EYS: variants seen among roughly 807,000 people sequenced by gnomAD.
The protein encoded by EYS is protein eyes shut homolog.
Under a neutral mutation model 282.1 loss-of-function variants are expected in EYS, and 250 were observed. That is an observed-to-expected ratio of 0.89 (90% CI 0.80 to 0.98). EYS has a LOEUF of 0.98. Among genes scored for constraint, EYS ranks in the 50% least tolerant of loss-of-function variants. The probability of loss-of-function intolerance (pLI) is 0.00; values close to 1 mark genes in which losing one functional copy is unlikely to be tolerated. For missense variants in EYS, 4,016 were observed against 3,709.0 expected (o/e 1.08, Z -2.15); for synonymous variants, 1,355 against 1,282.9 (o/e 1.06, Z -1.20).
intron 22 of EYS, among the ~76,000 whole-genome samples, chr6:64,661,794 A>T (rs1016212498): frequency 7.3e-6 from 1 of 136,598 alleles, no homozygotes; most frequent in Admixed American, 7.4e-5. Flanking sequence ...GGGACTGTAA[A>T]CTAGTTCAAC....
chr6:65,541,480 C>T (rs1768165505), intron 2 of EYS, among the ~76,000 whole-genome samples: 1 of 152,090 alleles, frequency 6.6e-6, no homozygotes. Flanking sequence ...TTCTGAATCT[C>T]TTGTGTTTCA....
intron 40 of EYS, among the ~76,000 whole-genome samples, chr6:63,776,150 A>G (rs983132274): frequency 1.3e-5 from 2 of 152,172 alleles, no homozygotes; most frequent in Non-Finnish European, 2.9e-5. Flanking sequence ...ACGGCAATCT[A>G]TGAAATCCCC....
At chr6:65,454,193 T>A (rs35989893) in intron 5 of EYS, among the ~76,000 whole-genome samples, 14,912 of 151,708 alleles carry the variant, frequency 0.098, 976 homozygotes, top group South Asian at 0.19. Context: ...TCTTTAGTCT[T>A]TTTGATAATA....
At chr6:64,281,220 A>G (rs1408628106) in intron 30 of EYS, among the ~76,000 whole-genome samples, 1 of 152,052 alleles carries the variant, frequency 6.6e-6, no homozygotes, top group East Asian at 1.9e-4. Context: ...AATTATGTAA[A>G]TTCTATCTAT....
intron 12 of EYS, among the ~76,000 whole-genome samples, chr6:65,213,010 A>G (rs1582023454): frequency 6.6e-6 from 1 of 152,102 alleles, no homozygotes; most frequent in Admixed American, 6.6e-5. Flanking sequence ...AAGTGGCAGG[A>G]TTATTCAACT....
At chr6:65,202,407 G>A (rs1212289319) in intron 12 of EYS, among the ~76,000 whole-genome samples, 1 of 152,076 alleles carries the variant, frequency 6.6e-6, no homozygotes, top group Non-Finnish European at 1.5e-5. Flanking sequence ...TGTGAAAGCT[G>A]TGAAGCATAT....
chr6:63,931,097 C>T (rs527734432), intron 35 of EYS, among the ~76,000 whole-genome samples: 3 of 152,284 alleles, frequency 2.0e-5, no homozygotes, highest in African/African-American at 7.2e-5. Flanking sequence ...GTTGTATGAT[C>T]ACCTGAGATT....
intron 35 of EYS, among the ~76,000 whole-genome samples, chr6:63,906,486 T>C (rs750775580): frequency 2.0e-5 from 3 of 152,226 alleles, no homozygotes; most frequent in Non-Finnish European, 4.4e-5. Context: ...ATAATCTTCA[T>C]GTTTATTCAA....
chr6:65,587,716 A>C (rs941762276), intron 2 of EYS, among the ~76,000 whole-genome samples: 1 of 152,156 alleles, frequency 6.6e-6, no homozygotes, highest in Non-Finnish European at 1.5e-5. Context: ...TAAGAGTTAA[A>C]AAGAAAACAT....
chr6:64,165,560 G>A (rs58853732), intron 31 of EYS, among the ~76,000 whole-genome samples: 8,509 of 152,134 alleles, frequency 0.056, 797 homozygotes, highest in African/African-American at 0.19. Context: ...TTACAAAGAC[G>A]AAGCATAGAT....
intron 22 of EYS, among the ~76,000 whole-genome samples, chr6:64,798,607 G>GTTTTTTTTT (rs57597318): frequency 7.5e-5 from 8 of 106,820 alleles, no homozygotes; most frequent in East Asian, 2.9e-4. Context: ...TTTGTTTCTG[G>GTTTTTTTTT]TTTTTTTTTT....
intron 33 of EYS, among the ~76,000 whole-genome samples, chr6:64,037,873 G>A (rs532949555): frequency 2.0e-5 from 3 of 152,242 alleles, no homozygotes; most frequent in African/African-American, 7.2e-5. Context: ...GTTCAGATGA[G>A]TTGAAATGTG....
intron 26 of EYS, among the ~76,000 whole-genome samples, chr6:64,521,829 C>T (rs901393644): frequency 1.3e-5 from 2 of 151,802 alleles, no homozygotes; most frequent in Non-Finnish European, 2.9e-5. Context: ...CACTTGTTCA[C>T]TTATCCATGC....
chr6:65,442,713 C>G (rs946298443), intron 5 of EYS, among the ~76,000 whole-genome samples: 4 of 151,346 alleles, frequency 2.6e-5, no homozygotes, highest in East Asian at 1.9e-4. Context: ...AAGATTGTGC[C>G]ACTGCACTCC....
At chr6:65,301,778 A>G (rs1430441306) in intron 11 of EYS, among the ~76,000 whole-genome samples, 1 of 152,218 alleles carries the variant, frequency 6.6e-6, no homozygotes, top group African/African-American at 2.4e-5. Context: ...GAACACCCCT[A>G]AACTCCCATA....
chr6:65,019,738 G>C (rs1302740798), intron 13 of EYS, among the ~76,000 whole-genome samples: 1 of 152,094 alleles, frequency 6.6e-6, no homozygotes, highest in Non-Finnish European at 1.5e-5. Flanking sequence ...CCAACTCTTA[G>C]TAATTGTATT....
At chr6:64,514,457 G>A (rs1777500903) in intron 26 of EYS, among the ~76,000 whole-genome samples, 1 of 151,832 alleles carries the variant, frequency 6.6e-6, no homozygotes, top group Non-Finnish European at 1.5e-5. Flanking sequence ...CCGGGCCATG[G>A]CCTTGTGACC....
intron 19 of EYS, among the ~76,000 whole-genome samples, chr6:64,845,323 T>A (rs1765686569): frequency 6.6e-6 from 1 of 151,842 alleles, no homozygotes; most frequent in South Asian, 2.1e-4. Flanking sequence ...TTAAAATATA[T>A]AATTAGAATC....
At chr6:64,124,017 C>T (rs1773679866) in intron 31 of EYS, among the ~76,000 whole-genome samples, 1 of 152,070 alleles carries the variant, frequency 6.6e-6, no homozygotes, top group Non-Finnish European at 1.5e-5. Flanking sequence ...GCATCCAAAC[C>T]AGGATTTTGC....
Sources: allele counts gnomAD v4.1 joint callset (sites outside exome capture counted in the v4.1 genomes callset), GRCh38; gene constraint gnomAD v4.1.1; transcripts MANE v1.5; gene names NCBI Gene and HGNC (gene_info 2026-07-23, HGNC 2026-07-21).